Variants in MAP3K4 observed in about 807,000 individuals in gnomAD.
MAP3K4 encodes MAP three kinase 1.
Under a neutral mutation model 185.6 loss-of-function variants are expected in MAP3K4, and 67 were observed. That is an observed-to-expected ratio of 0.36 (90% CI 0.30 to 0.44). The LOEUF is 0.44. MAP3K4 is among the 20% of genes least tolerant of loss of function. The pLI is 1.00. For synonymous variants in MAP3K4, 702 were observed against 710.4 expected, an observed-to-expected ratio of 0.99 and a Z score of 0.19; for missense variants, 1,551 against 1,995.1, an observed-to-expected ratio of 0.78 and a Z score of 4.24.
At chr6:161,060,233 C>G (rs1482365633) in intron 3 of MAP3K4, among the ~76,000 whole-genome samples, 1 of 151,988 alleles carries the variant, frequency 6.6e-6, no homozygotes, top group Non-Finnish European at 1.5e-5. Flanking sequence ...TAAACTTTTC[C>G]TCACCTATTA....
At chr6:161,065,622 G>C (rs897043416) in intron 3 of MAP3K4, among the ~76,000 whole-genome samples, 8 of 152,196 alleles carry the variant, frequency 5.3e-5, no homozygotes, top group African/African-American at 1.9e-4. Flanking sequence ...AAGTGTTTTA[G>C]ACTTCAGCTT....
rs1306138465 is a variant in MAP3K4 at position 161,053,052 on chromosome 6, A to T, written c.1707+3073A>T. Among the ~76,000 whole-genome samples, 8 of 152,140 alleles carry T rather than the reference A, an allele frequency of 5.3e-5. No individual in the cohort carries two copies. The highest frequency in any genetic ancestry group is 1.9e-4 in the African/African-American group (8 of 41,426). ...ACACTGCTATAAAGAAATGCCTGAG[A>T]CTGGGTAATTAATAAAGAAAAGAGG... On this transcript the variant is annotated intron_variant, in intron 3 of 26. Coordinates refer to ENST00000392142, the MANE Select transcript of MAP3K4 (RefSeq NM_005922.4). This position sits in a 1 kb window ranked among gnomAD's most constrained non-coding sequence, Gnocchi z 4.2.
In MAP3K4 at chr6:161,037,336, A is replaced by G. The variant is rs372303453; in HGVS notation, c.343+2887A>G. On this transcript the variant is annotated intron_variant, in intron 2 of 26. Transcript: ENST00000392142. This position sits in a 1 kb window ranked among gnomAD's most constrained non-coding sequence, Gnocchi z 4.2. ...TGCAGCCTCCATATCTCGTTTCTCT[A>G]TCTGTAAAATCATCTGCCTTATAGT... is the stretch of plus-strand genomic sequence containing the variant. Among the ~76,000 whole-genome samples, 52 of 152,204 alleles carry G rather than the reference A, an allele frequency of 3.4e-4. 1 individual carries two copies. Among genetic ancestry groups the G allele is most frequent in the African/African-American group, 1.2e-3 (48 of 41,532 alleles).
rs991268003 is a variant in MAP3K4, at chr6:161,102,557, C to T, written c.3776-142C>T. The T allele has an allele frequency of 8.9e-6, 5 of 560,276 alleles. No homozygotes were observed. In the Admixed American group the frequency reaches 1.8e-4, roughly 21 times the overall value. 34.7% of individuals were successfully genotyped at this position (560,276 alleles called of 1,614,324 possible). Reference sequence around the variant, plus strand: ...AGAATTGATTGCAAAGATAGTTTCTCACACCTACATCAAACACACTAAAAA... The same window carrying T: ...AGAATTGATTGCAAAGATAGTTTCTTACACCTACATCAAACACACTAAAAA... On this transcript the variant is annotated intron_variant, in intron 18 of 26. Transcript: ENST00000392142.
At chr6:161,085,300 T>C (rs1785654676) in intron 7 of MAP3K4, among the ~76,000 whole-genome samples, 1 of 152,250 alleles carries the variant, frequency 6.6e-6, no homozygotes, top group South Asian at 2.1e-4. Flanking sequence ...TGACATTTGG[T>C]ACATTTTTAT....
At position 161,087,306 on chromosome 6, in the gene MAP3K4, C is replaced by G. The variant is rs1442269742; in HGVS notation, c.2557-382C>G. On this transcript the variant is annotated intron_variant, in intron 9 of 26. Transcript: ENST00000392142. The surrounding 1 kb of genome is among the most constrained non-coding windows in gnomAD (Gnocchi z 4.9). ...CCCTGCCCTGGAATAATTAGAGAAT[C>G]TGTATTAACAATTTTTGCCTTTTTC... Among the ~76,000 whole-genome samples the G allele has an allele frequency of 6.6e-6, 1 of 152,204 alleles. No individual in the cohort carries two copies. Among genetic ancestry groups the G allele is most frequent in the Middle Eastern group, 3.2e-3 (1 of 316 alleles).
In MAP3K4 at chr6:161,109,670, T is replaced by C; in HGVS notation, c.4237-85T>C. The C allele has an allele frequency of 7.5e-7, 1 of 1,334,694 alleles. No individual in the cohort carries two copies. The highest frequency in any genetic ancestry group is 1.1e-6 in the Non-Finnish European group (1 of 937,652). 82.7% of individuals were successfully genotyped at this position (1,334,694 alleles called of 1,614,324 possible). A position where few individuals can be genotyped will look rare whatever the true frequency, so the allele number is the denominator to read the frequency against. ...TTAGAAAGAACATTCCTTTGGGGTG[T>C]GGCCTAGGAAGTTTTCCAGATTTTT... On this transcript the variant is annotated intron_variant, in intron 22 of 26. Transcript: ENST00000392142. The surrounding 1 kb of genome is among the most constrained non-coding windows in gnomAD (Gnocchi z 5.7).
rs1180040901 is a variant in MAP3K4 at position 161,114,770 on chromosome 6, A to G, written c.4627-353A>G. On this transcript the variant is annotated intron_variant, in intron 25 of 26. Transcript: ENST00000392142. This position sits in a 1 kb window ranked among gnomAD's most constrained non-coding sequence, Gnocchi z 4.3. The stretch of plus-strand genomic sequence containing the variant: ...TATAGACTTTTTTATGTCATTTTAT[A>G]TATTTTTTAGTTGCATGATGATGGC... 6.6e-6 allele frequency among the ~76,000 whole-genome samples: 1 copy of G among 152,170 alleles called. No homozygotes were observed. The highest frequency in any genetic ancestry group is 1.5e-5 in the Non-Finnish European group (1 of 68,036).
chr6:160,992,474 C>A (rs914006261), intron 1 of MAP3K4: 2 of 233,794 alleles, frequency 8.6e-6, no homozygotes, highest in Non-Finnish European at 1.6e-5. Flanking sequence ...CTCCCCTCTG[C>A]CCTCATTCGA....
intron 3 of MAP3K4, among the ~76,000 whole-genome samples, chr6:161,062,081 G>A (rs1784510555): frequency 6.6e-6 from 1 of 152,034 alleles, no homozygotes; most frequent in Admixed American, 6.5e-5. Flanking sequence ...TACTTTTAAT[G>A]TTTAAGATGA....
chr6:161,104,075 T>C (rs1397919399), intron 19 of MAP3K4, among the ~76,000 whole-genome samples: 1 of 152,188 alleles, frequency 6.6e-6, no homozygotes, highest in East Asian at 1.9e-4. Flanking sequence ...TGGGAACCAC[T>C]TGGAATTATG....
At position 161,107,042 on chromosome 6, in the gene MAP3K4, A is replaced by ATG. The variant is rs1188960397; in HGVS notation, c.4048+337_4048+338insTG. On this transcript the variant is annotated intron_variant, in intron 20 of 26. Coordinates refer to ENST00000392142, the MANE Select transcript of MAP3K4 (RefSeq NM_005922.4). This position sits in a 1 kb window ranked among gnomAD's most constrained non-coding sequence, Gnocchi z 6.2. ...CTAGTTTCTCTCTCTCTCTCTACAC[A>ATG]CGCGCGCGCACACACACACACACAC... is the stretch of plus-strand genomic sequence containing the variant. Among the ~76,000 whole-genome samples the ATG allele has an allele frequency of 5.6e-5, 8 of 141,770 alleles. No homozygotes were observed. The highest frequency in any genetic ancestry group is 2.1e-4 in the African/African-American group (8 of 37,636). The allele number at this position is 141,770 out of a possible 152,430, so 93.0% of individuals were successfully genotyped here. A position where few individuals can be genotyped will look rare whatever the true frequency, so the allele number is the denominator to read the frequency against.
At chr6:161,000,228 C>G (rs935707298) in intron 1 of MAP3K4, among the ~76,000 whole-genome samples, 1 of 152,084 alleles carries the variant, frequency 6.6e-6, no homozygotes, top group Non-Finnish European at 1.5e-5. Context: ...TCATCATAAC[C>G]TACTAAATTG....
At position 161,073,610 on chromosome 6, in the gene MAP3K4, A is replaced by G; in HGVS notation, c.2095A>G (p.Met699Val). Residue 699 changes from methionine to valine, a missense_variant and splice_region_variant, in exon 5 of 27, where the codon ATG (methionine) becomes GTG (valine). Physicochemically the swap from Met to Val is conservative, Grantham distance 21. Transcript: ENST00000392142. The surrounding 1 kb of genome is among the most constrained non-coding windows in gnomAD (Gnocchi z 4.2). ...AFEEDLHKML[M>V]VYFDYMRSWI... ...TGAAGAGGATCTACATAAAATGCTT[A>G]TGGTCAGAAGCAGTGGGGAGGAATT... 1 of 1,611,598 alleles carries G rather than the reference A, an allele frequency of 6.2e-7. No homozygotes were observed. The highest frequency in any genetic ancestry group is 8.5e-7 in the Non-Finnish European group (1 of 1,179,122).
intron 3 of MAP3K4, among the ~76,000 whole-genome samples, chr6:161,057,543 A>G (rs1388377676): frequency 6.6e-6 from 1 of 152,152 alleles, no homozygotes; most frequent in Non-Finnish European, 1.5e-5. Flanking sequence ...AGCCATTCTG[A>G]GAGTAGGACA....
At chr6:161,012,587 A>G (rs775754609) in intron 1 of MAP3K4, among the ~76,000 whole-genome samples, 9 of 152,234 alleles carry the variant, frequency 5.9e-5, no homozygotes, top group Non-Finnish European at 8.8e-5. Flanking sequence ...AACTTATAAA[A>G]TACATATGCA....
At position 161,097,147 on chromosome 6, in the gene MAP3K4, C is replaced by T. The variant is rs1433496627; in HGVS notation, c.3495C>T (p.His1165=). ...GCCATAGTGACCCTCCTAACCCACA[C>T]CTCATTATCCCCACTCCAGAGGGAT... ...PRCHSDPPNP[H]LIIPTPEGFS... The change falls in exon 16 of 27, where the codon CAC becomes CAT. Residue 1165 remains histidine (H), a synonymous_variant. Transcript: ENST00000392142. The surrounding 1 kb of genome is among the most constrained non-coding windows in gnomAD (Gnocchi z 4.9). The T allele has an allele frequency of 6.2e-7, 1 of 1,614,164 alleles. No individual in the cohort carries two copies. The highest frequency in any genetic ancestry group is 1.1e-5 in the South Asian group (1 of 91,080).
chr6:160,992,121 C>A, intron 1 of MAP3K4, 38 bp downstream of exon 1: 3 of 1,508,102 alleles, frequency 2.0e-6, no homozygotes, highest in South Asian at 1.3e-5. Flanking sequence ...TCGCAGAAAG[C>A]GGGGCGGGTC....
Position 161,061,271 on chromosome 6 carries a change from A to G in MAP3K4, c.1708-9337A>G, listed in dbSNP as rs1784476362. 6.6e-6 allele frequency among the ~76,000 whole-genome samples: 1 copy of G among 152,218 alleles called. No homozygotes were observed. The highest frequency in any genetic ancestry group is 1.5e-5 in the Non-Finnish European group (1 of 68,036). ...CAAAATAGACAATCATCTCAGTGTG[A>G]TTACTGGAAAACAGTTCAAGTTTTG... On this transcript the variant is annotated intron_variant, in intron 3 of 26. Transcript: ENST00000392142. This position sits in a 1 kb window ranked among gnomAD's most constrained non-coding sequence, Gnocchi z 4.2.
Sources: gnomAD v4.1 joint callset for allele counts (sites outside exome capture counted in the v4.1 genomes callset) on GRCh38, gnomAD v4.1.1 for gene constraint, Gnocchi (gnomAD v3.1) non-coding constraint, MANE v1.5 for transcripts, NCBI Gene and HGNC (gene_info 2026-07-23, HGNC 2026-07-21) for gene names.